The following AUTS2 variants were observed in gnomAD, a reference collection of about 807,000 sequenced individuals.
The protein encoded by AUTS2 is autism susceptibility gene 2 protein.
A neutral mutation model predicts 112.4 loss-of-function variants in AUTS2; 17 were observed. The observed-to-expected ratio is 0.15, with a 90% confidence interval of 0.10 to 0.23. AUTS2 has a LOEUF of 0.23. Among genes scored for constraint, AUTS2 ranks in the 10% least tolerant of loss-of-function variants. AUTS2 has a pLI of 1.00. For missense variants in AUTS2, 1,510 were observed against 1,701.6 expected, an observed-to-expected ratio of 0.89 and a Z score of 1.98; for synonymous variants, 751 against 702.7, an observed-to-expected ratio of 1.07 and a Z score of -1.09.
At chr7:70,609,663 A>G (rs966501924) in intron 5 of AUTS2, among the ~76,000 whole-genome samples, 1 of 151,126 alleles carries the variant, frequency 6.6e-6, no homozygotes, top group African/African-American at 2.4e-5. Context: ...TCCTGACCTC[A>G]TGATCTGCCC....
chr7:70,373,043 T>C (rs1328875034), intron 4 of AUTS2, among the ~76,000 whole-genome samples: 2 of 152,118 alleles, frequency 1.3e-5, no homozygotes, highest in Non-Finnish European at 2.9e-5. Flanking sequence ...TGGCTTGTAG[T>C]TAAGTTTTTT....
chr7:70,138,795 C>T (rs1394783836), intron 4 of AUTS2, among the ~76,000 whole-genome samples: 14 of 152,098 alleles, frequency 9.2e-5, no homozygotes, highest in Admixed American at 9.2e-4. Flanking sequence ...AGTTGAATTA[C>T]TTAAGTTGTG....
intron 1 of AUTS2, among the ~76,000 whole-genome samples, chr7:69,863,175 G>T (rs1294557657): frequency 6.6e-6 from 1 of 152,142 alleles, no homozygotes; most frequent in East Asian, 1.9e-4. Context: ...AGCTAACCAT[G>T]CATGGAAAGT....
At chr7:70,229,754 C>T (rs569331607) in intron 4 of AUTS2, among the ~76,000 whole-genome samples, 1 of 150,172 alleles carries the variant, frequency 6.7e-6, no homozygotes, top group Admixed American at 6.6e-5. Context: ...TTATTTTCTT[C>T]ATTTTTTCCC....
rs1554307045 is a variant in AUTS2, at chr7:70,088,605, G to GTTTGT, written c.523-29508_523-29504dup. 1.7e-3 allele frequency among the ~76,000 whole-genome samples: 249 copies of GTTTGT among 146,188 alleles called. 1 individual carries two copies. Among genetic ancestry groups the GTTTGT allele is most frequent in the African/African-American group, 4.4e-3 (176 of 39,820 alleles). ...ACCCACCTTGTTTGTTTGTTTGTTT[G>GTTTGT]TTTGTTTTGTTTTGTTTTGTTTTAA... On this transcript the variant is annotated intron_variant, in intron 2 of 18. Transcript: ENST00000342771.
At chr7:70,087,204 A>G (rs1803652095) in intron 2 of AUTS2, among the ~76,000 whole-genome samples, 2 of 151,892 alleles carry the variant, frequency 1.3e-5, no homozygotes, top group Non-Finnish European at 2.9e-5. Context: ...ATCAAATGCT[A>G]TTTATTAATC....
At chr7:70,064,877 C>T (rs143610151) in intron 2 of AUTS2, among the ~76,000 whole-genome samples, 290 of 152,250 alleles carry the variant, frequency 1.9e-3, no homozygotes, top group African/African-American at 6.7e-3. Context: ...CTATCTTTCC[C>T]GGTAGTAGGT....
chr7:70,454,056 T>C (rs1045826781), intron 5 of AUTS2, among the ~76,000 whole-genome samples: 6 of 152,080 alleles, frequency 3.9e-5, no homozygotes, highest in Admixed American at 3.9e-4. Flanking sequence ...CCCCTGTGGG[T>C]TGGCGTTGTG....
At chr7:70,571,146 T>G (rs1027719446) in intron 5 of AUTS2, among the ~76,000 whole-genome samples, 2 of 152,212 alleles carry the variant, frequency 1.3e-5, no homozygotes, top group Non-Finnish European at 2.9e-5. Flanking sequence ...ACCCAAACCC[T>G]TTGAGCTAGA....
intron 5 of AUTS2, among the ~76,000 whole-genome samples, chr7:70,520,430 C>G (rs1457667217): frequency 1.3e-5 from 2 of 152,170 alleles, no homozygotes; most frequent in Non-Finnish European, 2.9e-5. Context: ...GTTCCTTTCT[C>G]TGGGCCTCTG....
intron 1 of AUTS2, among the ~76,000 whole-genome samples, chr7:69,890,650 A>G (rs1410420841): frequency 6.6e-6 from 1 of 152,036 alleles, no homozygotes; most frequent in East Asian, 1.9e-4. Context: ...ACTTTACAAA[A>G]GGTTAGCCTC....
intron 1 of AUTS2, among the ~76,000 whole-genome samples, chr7:69,633,563 A>C (rs2129106605): frequency 6.6e-6 from 1 of 152,310 alleles, no homozygotes; most frequent in Middle Eastern, 3.4e-3. Flanking sequence ...CATTCCCACC[A>C]ACCGTATACA....
At chr7:70,364,737 A>T (rs1386648438) in intron 4 of AUTS2, among the ~76,000 whole-genome samples, 4 of 152,130 alleles carry the variant, frequency 2.6e-5, no homozygotes, top group Admixed American at 2.6e-4. Flanking sequence ...CATTATAAAG[A>T]ACTCTTTCTG....
chr7:70,100,938 C>T (rs1385254352), intron 2 of AUTS2, among the ~76,000 whole-genome samples: 1 of 152,104 alleles, frequency 6.6e-6, no homozygotes, highest in Non-Finnish European at 1.5e-5. Context: ...AGTGCAGTGG[C>T]ATGATCTCGG....
At chr7:70,535,973 A>G (rs1481721095) in intron 5 of AUTS2, among the ~76,000 whole-genome samples, 1 of 152,182 alleles carries the variant, frequency 6.6e-6, no homozygotes, top group East Asian at 1.9e-4. Context: ...AGCTGTCCCA[A>G]GGCAATACCT....
intron 1 of AUTS2, among the ~76,000 whole-genome samples, chr7:69,625,244 C>T (rs1208194382): frequency 1.3e-5 from 2 of 152,234 alleles, no homozygotes; most frequent in Admixed American, 1.3e-4. Flanking sequence ...AAGGGTGCTT[C>T]TGGCCCTGAA....
intron 5 of AUTS2, among the ~76,000 whole-genome samples, chr7:70,466,574 G>A (rs558276620): frequency 6.2e-4 from 94 of 152,280 alleles, no homozygotes; most frequent in African/African-American, 2.1e-3. Flanking sequence ...ACTTTCCTGC[G>A]ATGGTTAAGG....
chr7:70,448,978 T>C (rs1292603031), intron 5 of AUTS2, among the ~76,000 whole-genome samples: 1 of 152,260 alleles, frequency 6.6e-6, no homozygotes, highest in Non-Finnish European at 1.5e-5. Context: ...AACTCTTAAG[T>C]TGTAACAGCT....
At chr7:70,077,754 T>A (rs1030608432) in intron 2 of AUTS2, among the ~76,000 whole-genome samples, 1 of 152,158 alleles carries the variant, frequency 6.6e-6, no homozygotes, top group Non-Finnish European at 1.5e-5. Flanking sequence ...GTGGAAGCCA[T>A]CAGGCTGCAC....
Sources: gnomAD v4.1 joint callset for allele counts (sites outside exome capture counted in the v4.1 genomes callset) on GRCh38, gnomAD v4.1.1 for gene constraint, MANE v1.5 for transcripts, NCBI Gene and HGNC (gene_info 2026-07-23, HGNC 2026-07-21) for gene names.